The following DDAH1 variants were observed in gnomAD, a reference collection of about 807,000 sequenced individuals.
The protein encoded by DDAH1 is N(G),N(G)-dimethylarginine dimethylaminohydrolase 1.
A neutral mutation model predicts 28.8 loss-of-function variants in DDAH1; 19 were observed. The ratio of observed to expected loss-of-function variants is 0.66; its 90% confidence interval spans 0.46 to 0.97. The LOEUF is 0.97. DDAH1 is among the 50% of genes least tolerant of loss of function. DDAH1 has a pLI of 0.00. For missense variants in DDAH1, 326 were observed against 375.9 expected (o/e 0.87, Z 1.10); for synonymous variants, 153 against 154.4 (o/e 0.99, Z 0.07).
chr1:85,344,043 C>G (rs1648679466), intron 4 of DDAH1, among the ~76,000 whole-genome samples: 2 of 152,076 alleles, frequency 1.3e-5, no homozygotes, highest in South Asian at 4.1e-4. Flanking sequence ...GATAAGAAAC[C>G]TAAAAGACAT....
chr1:85,474,586 G>A (rs1027369268), intron 2 of DDAH1, among the ~76,000 whole-genome samples: 1 of 152,080 alleles, frequency 6.6e-6, no homozygotes, highest in Non-Finnish European at 1.5e-5. Flanking sequence ...TCCCCAGGTG[G>A]GATGAGATGC....
intron 1 of DDAH1, among the ~76,000 whole-genome samples, chr1:85,512,686 A>G (rs1570626593): frequency 1.3e-5 from 2 of 152,334 alleles, no homozygotes; most frequent in South Asian, 2.1e-4. Context: ...AAAAATCACA[A>G]GCATTCCTAT....
intron 2 of DDAH1, among the ~76,000 whole-genome samples, chr1:85,493,219 C>G (rs573627991): frequency 6.6e-6 from 1 of 151,994 alleles, no homozygotes; most frequent in South Asian, 2.1e-4. Flanking sequence ...GTATTGTGGG[C>G]CCCAGGTGCT....
upstream of DDAH1, among the ~76,000 whole-genome samples, chr1:85,468,705 A>T (rs996564974): frequency 6.6e-6 from 1 of 152,078 alleles, no homozygotes; most frequent in African/African-American, 2.4e-5. Context: ...TTTTTAGTAG[A>T]GACAGGGTTT....
chr1:85,414,985 A>C (rs1652824499), intron 1 of DDAH1, among the ~76,000 whole-genome samples: 1 of 150,342 alleles, frequency 6.7e-6, no homozygotes, highest in Non-Finnish European at 1.5e-5. Context: ...TTTAACGAAA[A>C]TCAAATATTT....
intron 3 of DDAH1, among the ~76,000 whole-genome samples, chr1:85,350,790 G>C (rs1190497839): frequency 1.3e-5 from 2 of 152,308 alleles, no homozygotes; most frequent in Non-Finnish European, 2.9e-5. Flanking sequence ...GCTACTCTGG[G>C]AGGGTGTATT....
At position 85,464,486 on chromosome 1, in the gene DDAH1, G is replaced by A; in HGVS notation, c.303+257C>T. The A allele has an allele frequency of 6.9e-7, 1 of 1,457,806 alleles. No individual in the cohort carries two copies. Among genetic ancestry groups the A allele is most frequent in the South Asian group, 1.2e-5 (1 of 82,142 alleles). 90.3% of individuals were successfully genotyped at this position (1,457,806 alleles called of 1,614,324 possible). ...AAATGCCCGTGAGACGGAATCCCCC[G>A]CCCACCCACCTGCCCGAGACCGTAC... On this transcript the variant is annotated intron_variant, in intron 1 of 5. Coordinates refer to ENST00000284031, the MANE Select transcript of DDAH1 (RefSeq NM_012137.4). This position sits in a 1 kb window ranked among gnomAD's most constrained non-coding sequence, Gnocchi z 4.4.
chr1:85,333,066 C>T (rs1647880023), intron 4 of DDAH1, among the ~76,000 whole-genome samples: 1 of 152,212 alleles, frequency 6.6e-6, no homozygotes, highest in South Asian at 2.1e-4. Context: ...ACATATGCCA[C>T]CCCGGGACCC....
rs924572826 is a variant in DDAH1 at position 85,325,362 on chromosome 1, C to T, written c.598-479G>A. 7.2e-5 allele frequency among the ~76,000 whole-genome samples: 11 copies of T among 152,090 alleles called. No homozygotes were observed. In the East Asian group the frequency reaches 9.7e-4, roughly 13 times the overall value. ...GTGTGCATGCACGTGCGTGCGCGCG[C>T]GCGCGCACACACACACGCTTTGCTC... On this transcript the variant is annotated intron_variant, in intron 4 of 5. Coordinates refer to ENST00000284031, the MANE Select transcript of DDAH1 (RefSeq NM_012137.4).
chr1:85,428,514 G>C (rs1324688422), intron 1 of DDAH1, among the ~76,000 whole-genome samples: 2 of 152,106 alleles, frequency 1.3e-5, no homozygotes, highest in Non-Finnish European at 2.9e-5. Context: ...TGGCACGTGG[G>C]AATTATGGGA....
chr1:85,412,025 G>A (rs1248584183), intron 1 of DDAH1, among the ~76,000 whole-genome samples: 1 of 152,172 alleles, frequency 6.6e-6, no homozygotes, highest in Non-Finnish European at 1.5e-5. Flanking sequence ...TGTACTTGTG[G>A]AATTTAAGAG....
chr1:85,422,588 CT>C (rs1220097628), intron 1 of DDAH1, among the ~76,000 whole-genome samples: 3 of 152,180 alleles, frequency 2.0e-5, no homozygotes, highest in Non-Finnish European at 2.9e-5. Context: ...GGTATAAGGT[CT>C]GTGCCTAGAT....
At chr1:85,471,469 A>G (rs1186781812) in intron 2 of DDAH1, among the ~76,000 whole-genome samples, 3 of 152,230 alleles carry the variant, frequency 2.0e-5, no homozygotes, top group Non-Finnish European at 4.4e-5. Flanking sequence ...ATATATGTGT[A>G]TATGTGTGCA....
chr1:85,444,756 G>A (rs1013168697), intron 1 of DDAH1, among the ~76,000 whole-genome samples: 3 of 152,220 alleles, frequency 2.0e-5, no homozygotes, highest in Admixed American at 2.0e-4. Flanking sequence ...GGAGTTCATA[G>A]ATGTGTGAGT....
chr1:85,322,292 A>T (rs1408477398), intron 5 of DDAH1, among the ~76,000 whole-genome samples: 4 of 152,192 alleles, frequency 2.6e-5, no homozygotes, highest in Non-Finnish European at 4.4e-5. Context: ...ACTGCTGGAA[A>T]AATTTGACAA....
At chr1:85,425,374 C>T (rs1442975165) in intron 1 of DDAH1, among the ~76,000 whole-genome samples, 2 of 152,082 alleles carry the variant, frequency 1.3e-5, no homozygotes, top group African/African-American at 4.8e-5. Context: ...CTCCCACTCC[C>T]TGCTTCTAGA....
At chr1:85,335,573 G>T (rs985736507) in intron 4 of DDAH1, among the ~76,000 whole-genome samples, 1 of 152,066 alleles carries the variant, frequency 6.6e-6, no homozygotes, top group Non-Finnish European at 1.5e-5. Flanking sequence ...AACAAAGAAG[G>T]TTATTATGTA....
At chr1:85,346,999 A>G (rs1173797911) in intron 4 of DDAH1, among the ~76,000 whole-genome samples, 2 of 152,224 alleles carry the variant, frequency 1.3e-5, no homozygotes, top group African/African-American at 4.8e-5. Flanking sequence ...TATGCAGCCA[A>G]CAGACACATG....
At chr1:85,323,140 C>G (rs927572293) in intron 5 of DDAH1, among the ~76,000 whole-genome samples, 4 of 151,938 alleles carry the variant, frequency 2.6e-5, no homozygotes, top group African/African-American at 9.7e-5. Flanking sequence ...TTTATCTGCT[C>G]AGAAAGAGGC....
Sources: allele counts gnomAD v4.1 joint callset (sites outside exome capture counted in the v4.1 genomes callset), GRCh38; gene constraint gnomAD v4.1.1; non-coding constraint Gnocchi (gnomAD v3.1); transcripts MANE v1.5; gene names NCBI Gene and HGNC (gene_info 2026-07-23, HGNC 2026-07-21).